The following BMPR1A variants were observed in gnomAD, a reference collection of about 807,000 sequenced individuals.
BMPR1A encodes bone morphogenetic protein receptor type 1A.
Under a neutral mutation model 66.0 loss-of-function variants are expected in BMPR1A, and 7 were observed. The observed-to-expected ratio is 0.11, with a 90% CI of 0.06 to 0.20. The LOEUF (loss-of-function observed/expected upper bound fraction) is 0.20. Among genes scored for constraint, BMPR1A ranks in the 10% least tolerant of loss-of-function variants. The pLI, the probability that BMPR1A is intolerant of heterozygous loss-of-function variation, is 1.00. For synonymous variants in BMPR1A, 200 were observed against 229.7 expected (o/e 0.87, Z 1.17); for missense variants, 408 against 669.1 (o/e 0.61, Z 4.31).
chr10:86,839,979 A>G (rs1308665406), intron 2 of BMPR1A, among the ~76,000 whole-genome samples: 1 of 152,096 alleles, frequency 6.6e-6, no homozygotes, highest in Admixed American at 6.6e-5. Flanking sequence ...AGATTTTTTA[A>G]CATGTTAGAA....
intron 9 of BMPR1A, among the ~76,000 whole-genome samples, chr10:86,918,756 G>A (rs887176057): frequency 9.2e-5 from 14 of 151,752 alleles, no homozygotes; most frequent in East Asian, 3.9e-4. Context: ...CAGAGTAGCC[G>A]GGACCACAGG....
At chr10:86,919,102 A>G in intron 9 of BMPR1A, 70 bp from the exon 10 acceptor site, 2 of 1,574,530 alleles carry the variant, frequency 1.3e-6, no homozygotes, top group Admixed American at 1.7e-5. Context: ...CTCAGTATCC[A>G]GAATGAGCAT....
chr10:86,807,829 C>G (rs969143934), intron 1 of BMPR1A, among the ~76,000 whole-genome samples: 10 of 152,162 alleles, frequency 6.6e-5, no homozygotes, highest in Non-Finnish European at 1.5e-4. Flanking sequence ...TGCAGTGGCA[C>G]TGTCTTGGCT....
At chr10:86,822,324 T>C (rs1314367568) in intron 1 of BMPR1A, among the ~76,000 whole-genome samples, 2 of 152,172 alleles carry the variant, frequency 1.3e-5, no homozygotes, top group Non-Finnish European at 2.9e-5. Context: ...TATCCTGATT[T>C]TACTATTTTT....
intron 1 of BMPR1A, among the ~76,000 whole-genome samples, chr10:86,808,067 T>C (rs777451472): frequency 1.2e-4 from 18 of 152,222 alleles, no homozygotes; most frequent in Non-Finnish European, 2.1e-4. Context: ...AGGTTACTGC[T>C]TACTGATGCA....
rs1397003277 is a variant in BMPR1A at position 86,925,311 on chromosome 10, C to G, written c.*1592C>G. On this transcript the variant is annotated 3_prime_UTR_variant, in exon 13 of 13. Coordinates refer to ENST00000372037, the MANE Select transcript of BMPR1A (RefSeq NM_004329.3). ...GTGAGATAGTTTTATTTGATTATAA[C>G]ATAAAATAAATGTGATTATATCACA... 1 of 221,282 alleles carries G rather than the reference C, an allele frequency of 4.5e-6. No homozygotes were observed. The highest frequency in any genetic ancestry group is 9.0e-6 in the Non-Finnish European group (1 of 110,952). 13.7% of individuals were successfully genotyped at this position (221,282 alleles called of 1,614,324 possible). A position where few individuals can be genotyped will look rare whatever the true frequency, so the allele number is the denominator to read the frequency against.
intron 5 of BMPR1A, among the ~76,000 whole-genome samples, chr10:86,893,935 C>T (rs1843191793): frequency 6.6e-6 from 1 of 152,202 alleles, no homozygotes; most frequent in South Asian, 2.1e-4. Flanking sequence ...AGAGAACAAA[C>T]CTAATCTCTC....
At chr10:86,782,290 A>G (rs1456928328) in intron 1 of BMPR1A, among the ~76,000 whole-genome samples, 1 of 152,188 alleles carries the variant, frequency 6.6e-6, no homozygotes, top group East Asian at 1.9e-4. Flanking sequence ...GCTGCAGTGG[A>G]CAAGAGTATG....
At chr10:86,767,023 C>T (rs1467737855) in intron 1 of BMPR1A, among the ~76,000 whole-genome samples, 1 of 151,976 alleles carries the variant, frequency 6.6e-6, no homozygotes, top group African/African-American at 2.4e-5. Context: ...AGGGTTTCAC[C>T]ATGTTGGTCA....
At chr10:86,900,263 C>G in intron 7 of BMPR1A, 137 bp downstream of exon 7, 1 of 816,778 alleles carries the variant, frequency 1.2e-6, no homozygotes, top group South Asian at 1.6e-5. Flanking sequence ...GACTATAGTT[C>G]TCTTAAGGGA....
chr10:86,849,386 A>G (rs1271797383), intron 2 of BMPR1A, among the ~76,000 whole-genome samples: 1 of 152,190 alleles, frequency 6.6e-6, no homozygotes, highest in East Asian at 1.9e-4. Context: ...CCATTATTCA[A>G]GTGTGAGCTT....
intron 3 of BMPR1A, among the ~76,000 whole-genome samples, chr10:86,884,886 A>G (rs1279939378): frequency 6.6e-6 from 1 of 152,218 alleles, no homozygotes; most frequent in East Asian, 1.9e-4. Context: ...AGTTTGATTA[A>G]TGTTAACTGA....
chr10:86,860,364 G>A (rs1304615709), intron 2 of BMPR1A, among the ~76,000 whole-genome samples: 1 of 152,088 alleles, frequency 6.6e-6, no homozygotes, highest in Non-Finnish European at 1.5e-5. Context: ...AATATGTAAG[G>A]CAATGCTATA....
At chr10:86,817,191 CT>C (rs1280296296) in intron 1 of BMPR1A, among the ~76,000 whole-genome samples, 2 of 152,330 alleles carry the variant, frequency 1.3e-5, no homozygotes, top group East Asian at 3.9e-4. Context: ...CTCCCATACT[CT>C]TTTCATCTGG....
chr10:86,921,121 T>G (rs1394573559), intron 10 of BMPR1A, among the ~76,000 whole-genome samples: 1 of 152,204 alleles, frequency 6.6e-6, no homozygotes, highest in Non-Finnish European at 1.5e-5. Flanking sequence ...CCCAAAGTGC[T>G]GAGATTACAG....
At chr10:86,859,085 T>C (rs1415236581) in intron 2 of BMPR1A, among the ~76,000 whole-genome samples, 2 of 152,130 alleles carry the variant, frequency 1.3e-5, no homozygotes, top group East Asian at 1.9e-4. Context: ...AGTAGACCAA[T>C]TGAACAGAAT....
chr10:86,855,333 TC>T, intron 2 of BMPR1A: 1 of 895,822 alleles, frequency 1.1e-6, no homozygotes, highest in South Asian at 3.0e-5. Flanking sequence ...TAAGTAAGTT[TC>T]TATTTGCCAC....
In BMPR1A at chr10:86,830,577, A is replaced by G. The variant is rs74153414; in HGVS notation, c.-267-8288A>G. 7.9e-3 allele frequency among the ~76,000 whole-genome samples: 1,202 copies of G among 152,306 alleles called. 19 individuals carry two copies. The highest frequency in any genetic ancestry group is 0.026 in the African/African-American group (1,095 of 41,564). The stretch of plus-strand genomic sequence containing the variant: ...TTTGGTTTGCGTTTCCCTGATGTCT[A>G]GTAATGTTGACCATATCTTTTCATG... On this transcript the variant is annotated intron_variant, in intron 1 of 12. Transcript: ENST00000372037.
At chr10:86,930,070 A>C (rs1211670779), downstream of BMPR1A, 1 of 152,276 alleles carries the variant, frequency 6.6e-6, no homozygotes, top group Non-Finnish European at 1.5e-5. Flanking sequence ...AAACCGCTGA[A>C]AGTGGCCAGC....
Sources: gnomAD v4.1 joint callset for allele counts (sites outside exome capture counted in the v4.1 genomes callset) on GRCh38, gnomAD v4.1.1 for gene constraint, MANE v1.5 for transcripts, NCBI Gene and HGNC (gene_info 2026-07-23, HGNC 2026-07-21) for gene names.